Variants in COL4A4 observed in about 807,000 individuals in gnomAD.
COL4A4 encodes the protein collagen alpha-4(IV) chain.
Under a neutral mutation model 192.9 loss-of-function variants are expected in COL4A4, and 105 were observed. That is an observed-to-expected ratio of 0.54 (90% confidence interval 0.46 to 0.64). The LOEUF (loss-of-function observed/expected upper bound fraction) is 0.64. COL4A4 is among the 30% of genes least tolerant of loss of function. The pLI, the probability that COL4A4 is intolerant of heterozygous loss-of-function variation, is 0.00. For synonymous variants in COL4A4, 762 were observed against 769.9 expected (o/e 0.99, Z 0.17); for missense variants, 1,967 against 2,169.3 (o/e 0.91, Z 1.85).
intron 19 of COL4A4, 51 bp downstream of exon 19, chr2:227,098,643 G>T: frequency 7.3e-7 from 1 of 1,364,232 alleles, no homozygotes; most frequent in Non-Finnish European, 1.0e-6. Flanking sequence ...TGCTGATGAT[G>T]ATGCAGGAAA....
chr2:227,050,518 T>C (rs796716473), intron 33 of COL4A4, among the ~76,000 whole-genome samples: 60 of 152,380 alleles, frequency 3.9e-4, no homozygotes, highest in African/African-American at 1.4e-3. Flanking sequence ...GTTACGTGTT[T>C]TCCAGAAGTA....
At chr2:226,995,131 T>C in the COL4A4 span, among the ~76,000 whole-genome samples, 2 of 151,622 alleles carry the variant, frequency 1.3e-5, no homozygotes, top group South Asian at 2.1e-4. Context: ...CTTGAGATAC[T>C]GTGTAAGCCT....
At chr2:227,059,380 C>A (rs1472353908) in intron 28 of COL4A4, 25 bp downstream of exon 28, 1 of 1,602,376 alleles carries the variant, frequency 6.2e-7, no homozygotes, top group Non-Finnish European at 8.6e-7. Flanking sequence ...CTCTATGCAC[C>A]AAAAGGACAG....
At chr2:226,991,807 T>C in the COL4A4 span, among the ~76,000 whole-genome samples, 6 of 152,168 alleles carry the variant, frequency 3.9e-5, no homozygotes, top group Non-Finnish European at 5.9e-5. Flanking sequence ...TTCAGAATCA[T>C]GGAAAGGACC....
chr2:227,079,674 A>T (rs1235219506), intron 24 of COL4A4, among the ~76,000 whole-genome samples: 2 of 151,926 alleles, frequency 1.3e-5, no homozygotes, highest in Non-Finnish European at 2.9e-5. Flanking sequence ...ACAAGTTTTC[A>T]CTCCTATTTT....
chr2:227,051,146 G>A lies in COL4A4; in HGVS notation c.2981C>T (p.Thr994Ile). The A allele has an allele frequency of 6.2e-7, 1 of 1,614,102 alleles. No individual in the cohort carries two copies. Among genetic ancestry groups the A allele is most frequent in the Non-Finnish European group, 8.5e-7 (1 of 1,179,982 alleles). Reference protein sequence around the residue: ...GFPGERGDKGTPGMQGRRGEP... With the variant: ...GFPGERGDKGIPGMQGRRGEP... ...TCCTCTTCTCCCTTGCATCCCGGGA[G>A]TTCCTTTATCACCTGATGAAGTTGG... Residue 994 changes from threonine (T) to isoleucine (I), a missense_variant, in exon 33 of 48, where the codon ACT becomes ATT. Thr to Ile is a moderately conservative substitution (Grantham distance 89). Transcript: ENST00000396625.
intron 28 of COL4A4, 31 bp from the exon 29 acceptor site, chr2:227,057,631 A>G (rs1292149993): frequency 1.2e-6 from 2 of 1,612,106 alleles, no homozygotes; most frequent in Admixed American, 1.7e-5. Flanking sequence ...CATGACATTC[A>G]TGACAAAAAA....
At chr2:227,150,880 C>T (rs1327539520) in intron 1 of COL4A4, among the ~76,000 whole-genome samples, 1 of 149,944 alleles carries the variant, frequency 6.7e-6, no homozygotes, top group South Asian at 2.1e-4. Context: ...GGTGGGGACA[C>T]AGAGCCAAAC....
At chr2:227,090,667 G>A (rs545483110) in intron 20 of COL4A4, among the ~76,000 whole-genome samples, 30 of 152,022 alleles carry the variant, frequency 2.0e-4, no homozygotes, top group African/African-American at 7.0e-4. Flanking sequence ...CAGGAGAATC[G>A]CTTGAACCTG....
At chr2:227,084,289 G>A (rs945334743) in intron 22 of COL4A4, among the ~76,000 whole-genome samples, 4 of 152,148 alleles carry the variant, frequency 2.6e-5, no homozygotes, top group African/African-American at 9.7e-5. Context: ...TATCAGGACA[G>A]AAAACTGTTC....
At chr2:227,055,114 T>A (rs1425260934) in intron 30 of COL4A4, among the ~76,000 whole-genome samples, 2 of 152,154 alleles carry the variant, frequency 1.3e-5, no homozygotes. Flanking sequence ...TACAGGCTAG[T>A]ATGATTCTTA....
rs1575918264 is a variant in COL4A4, at chr2:227,032,159, G to A, written c.3695C>T (p.Pro1232Leu). ...PPGPRGKKGP[P>L]GPPGSSGPPG... ...ATGCTACAGCTTACCTGGGGGTCCT[G>A]GGGGACCTTTCTTTCCACGAGGACC... Residue 1232 changes from proline to leucine, a missense_variant, in exon 39 of 48, where the codon CCA (proline) becomes CTA (leucine). Physicochemically the swap from Pro to Leu is moderately conservative, Grantham distance 98. Transcript: ENST00000396625. 6.2e-7 allele frequency: 1 copy of A among 1,614,138 alleles called. No homozygotes were observed.
chr2:227,149,808 T>A (rs1405584479), intron 1 of COL4A4, among the ~76,000 whole-genome samples: 1 of 152,178 alleles, frequency 6.6e-6, no homozygotes, highest in African/African-American at 2.4e-5. Flanking sequence ...AAGGCCTGAT[T>A]ATGGTCCTAA....
intron 38 of COL4A4, among the ~76,000 whole-genome samples, chr2:227,033,017 A>G (rs1417313196): frequency 6.6e-6 from 1 of 152,238 alleles, no homozygotes; most frequent in East Asian, 1.9e-4. Flanking sequence ...AAAGGATGCT[A>G]TTAGTACTAA....
At chr2:227,044,820 C>T (rs892029535) in intron 35 of COL4A4, among the ~76,000 whole-genome samples, 11 of 152,216 alleles carry the variant, frequency 7.2e-5, no homozygotes, top group African/African-American at 2.6e-4. Context: ...CTTCTCCAGT[C>T]AATGGAAATA....
chr2:227,117,022 T>C (rs535566550), intron 7 of COL4A4, among the ~76,000 whole-genome samples: 1 of 152,224 alleles, frequency 6.6e-6, no homozygotes, highest in Non-Finnish European at 1.5e-5. Flanking sequence ...AGTTTTTTCA[T>C]TTCCTTATAT....
chr2:226,996,688 C>T, the COL4A4 span: 1 of 152,168 alleles, frequency 6.6e-6, no homozygotes, highest in Non-Finnish European at 1.5e-5. Context: ...GAAATATACC[C>T]AAATCTTAGC....
chr2:227,140,875 TCACACACACACACACACA>T (rs71036159), intron 3 of COL4A4, among the ~76,000 whole-genome samples: 28 of 139,842 alleles, frequency 2.0e-4, no homozygotes, highest in African/African-American at 5.9e-4. Flanking sequence ...CTTTAGAGCA[TCACACACACACACACACA>T]CACACACACA....
Position 227,010,358 on chromosome 2 carries a change from G to T in COL4A4, c.4477C>A (p.Leu1493Met). 6.2e-7 allele frequency: 1 copy of T among 1,614,216 alleles called. No individual in the cohort carries two copies. Among genetic ancestry groups the T allele is most frequent in the Non-Finnish European group, 8.5e-7 (1 of 1,180,032 alleles). ...GMPRLWTGYS[L>M]LYLEGQEKAH... ...TTCTCTTGCCCTTCCAGGTATAACA[G>T]ACTATACCCAGTCCAGAGCCTGGGC... Residue 1493 changes from leucine (L) to methionine (M), a missense_variant, in exon 46 of 48, where the codon CTG (leucine) becomes ATG (methionine). Physicochemically the swap from Leu to Met is conservative, Grantham distance 15. Transcript: ENST00000396625.
Sources: allele counts gnomAD v4.1 joint callset (sites outside exome capture counted in the v4.1 genomes callset), GRCh38; gene constraint gnomAD v4.1.1; transcripts MANE v1.5; gene names NCBI Gene and HGNC (gene_info 2026-07-23, HGNC 2026-07-21).